The following WDR36 variants were observed in gnomAD, a reference collection of about 807,000 sequenced individuals.
The protein encoded by WDR36 is WD repeat domain 36.
WDR36 carries 63 observed loss-of-function variants against 112.7 expected under a neutral mutation model. That is an observed-to-expected ratio of 0.56 (90% confidence interval 0.46 to 0.69). The LOEUF is 0.69. WDR36 is among the 30% of genes least tolerant of loss of function. The pLI is 0.00. For synonymous variants in WDR36, 410 were observed against 362.2 expected, an observed-to-expected ratio of 1.13 and a Z score of -1.50; for missense variants, 1,226 against 1,070.3, an observed-to-expected ratio of 1.15 and a Z score of -2.03.
chr5:111,108,017 CA>C (rs1163981829), intron 12 of WDR36, among the ~76,000 whole-genome samples: 2 of 150,414 alleles, frequency 1.3e-5, no homozygotes, highest in Admixed American at 6.6e-5. Context: ...TCAATTTCTG[CA>C]AAAAAAAGCA....
intron 16 of WDR36, among the ~76,000 whole-genome samples, chr5:111,115,055 GA>G (rs1233978743): frequency 3.9e-5 from 6 of 152,156 alleles, no homozygotes; most frequent in Non-Finnish European, 7.4e-5. Context: ...ATTCAAATCT[GA>G]TAGATTTTCA....
chr5:111,127,157 C>G lies in WDR36; in HGVS notation c.*274C>G. On this transcript the variant is annotated 3_prime_UTR_variant, in exon 23 of 23. Transcript: ENST00000513710. Reference sequence around the variant, plus strand: ...TTTGAGCCCAGCCTGGGCAACATAGCAAGCAAGATCCCATCTCTACAAAAA... The same window carrying G: ...TTTGAGCCCAGCCTGGGCAACATAGGAAGCAAGATCCCATCTCTACAAAAA... The G allele has an allele frequency of 3.1e-6, 1 of 317,740 alleles. No homozygotes were observed. The highest frequency in any genetic ancestry group is 5.7e-6 in the Non-Finnish European group (1 of 174,370). 19.7% of individuals were successfully genotyped at this position (317,740 alleles called of 1,614,324 possible).
rs1158080518 is a variant in WDR36, at chr5:111,130,414, GT to G, written c.*3532del. The G allele has an allele frequency of 5.5e-6, 1 of 180,454 alleles. No individual in the cohort carries two copies. Among genetic ancestry groups the G allele is most frequent in the East Asian group, 9.1e-5 (1 of 10,962 alleles). 11.2% of individuals were successfully genotyped at this position (180,454 alleles called of 1,614,324 possible). On this transcript the variant is annotated 3_prime_UTR_variant, in exon 23 of 23. Transcript: ENST00000513710. ...GTATTTCTCTTCAAGAACAATGAAT[GT>G]CTTCATTAAATCATCTTTTGTGGGA...
chr5:111,114,143 CAT>C (rs1753407097), intron 16 of WDR36, among the ~76,000 whole-genome samples: 1 of 152,128 alleles, frequency 6.6e-6, no homozygotes, highest in South Asian at 2.1e-4. Context: ...ACAGAGGAGA[CAT>C]ACAGAATGTG....
chr5:111,106,100 T>C lies in WDR36; in HGVS notation c.1137T>C (p.Asn379=), dbSNP rs753217233. 6.2e-7 allele frequency: 1 copy of C among 1,610,058 alleles called. No homozygotes were observed. The highest frequency in any genetic ancestry group is 1.1e-5 in the South Asian group (1 of 91,000). The change falls in exon 11 of 23, where the codon AAT becomes AAC. Residue 379 remains asparagine (N), a synonymous_variant. Coordinates refer to ENST00000513710, the MANE Select transcript of WDR36 (RefSeq NM_139281.3). The part of the protein sequence containing the change: ...KKRVKRKGLQ[N]TMSVRLPPIT... ...GAGTTAAACGTAAAGGACTTCAGAA[T>C]ACCATGTCAGTGAGACTTCCACCCA...
chr5:111,120,001 G>T (rs1308815176), intron 17 of WDR36, among the ~76,000 whole-genome samples: 1 of 151,982 alleles, frequency 6.6e-6, no homozygotes, highest in Admixed American at 6.6e-5. Context: ...TCCCCTAAAA[G>T]ACCGGTATCT....
chr5:111,115,765 C>A (rs1484822719), intron 16 of WDR36, among the ~76,000 whole-genome samples: 1 of 152,090 alleles, frequency 6.6e-6, no homozygotes, highest in Admixed American at 6.6e-5. Flanking sequence ...AAACAAATTG[C>A]ATGGGTATTA....
chr5:111,101,207 G>A (rs954655915), intron 5 of WDR36, among the ~76,000 whole-genome samples: 2 of 151,950 alleles, frequency 1.3e-5, no homozygotes, highest in South Asian at 4.1e-4. Flanking sequence ...CATCACATAT[G>A]TGAAAGGTGG....
intron 16 of WDR36, among the ~76,000 whole-genome samples, chr5:111,117,268 C>A (rs1753474212): frequency 6.6e-6 from 1 of 152,132 alleles, no homozygotes. Flanking sequence ...GTTTCCAGTG[C>A]TTCTAATTGT....
rs1021559863 is a variant in WDR36 at position 111,125,549 on chromosome 5, G to A, written c.2351-59G>A. 42 of 1,530,030 alleles carry A rather than the reference G, an allele frequency of 2.7e-5. 1 individual carries two copies. The African/African-American group carries it at 3.6e-4, about 13-fold the overall frequency. The allele number at this position is 1,530,030 out of a possible 1,614,324, so 94.8% of individuals were successfully genotyped here. On this transcript the variant is annotated intron_variant, in intron 21 of 22. Coordinates refer to ENST00000513710, the MANE Select transcript of WDR36 (RefSeq NM_139281.3). ...CTATTTGGGGTATAAAAGGAAAACTGTAATTTTCTAAGTTAAATGATTATA... is the reference window on the plus strand; with the variant it reads ...CTATTTGGGGTATAAAAGGAAAACTATAATTTTCTAAGTTAAATGATTATA...
chr5:111,105,467 G>A (rs1270573889), intron 10 of WDR36, 107 bp downstream of exon 10: 10 of 1,034,060 alleles, frequency 9.7e-6, no homozygotes, highest in Non-Finnish European at 1.5e-5. Flanking sequence ...TTTCTTGGAT[G>A]AACTAGATAA....
rs201733427 is a variant in WDR36, at chr5:111,103,877, G to A, written c.689G>A (p.Arg230His). 40 of 1,611,142 alleles carry A rather than the reference G, an allele frequency of 2.5e-5. No individual in the cohort carries two copies. The East Asian group carries it at 2.7e-4, about 11-fold the overall frequency. Residue 230 changes from arginine (R) to histidine (H), a missense_variant, in exon 7 of 23, where the codon CGT becomes CAT. Coordinates refer to ENST00000513710, the MANE Select transcript of WDR36 (RefSeq NM_139281.3). ...IKFNETLMKF[R>H]QDWGPITSIS... Reference sequence around the variant, plus strand: ...TTTAATGAAACATTAATGAAGTTTCGTCAAGACTGGGGACCCATTACTTCA... The same window carrying A: ...TTTAATGAAACATTAATGAAGTTTCATCAAGACTGGGGACCCATTACTTCA...
chr5:111,127,987 G>A lies in WDR36; in HGVS notation c.*1104G>A, dbSNP rs147620363. ...GGACCTTTTAATTTGGGAAGAAAAT[G>A]CTGAGTATACTTTTCTTTCACAACC... On this transcript the variant is annotated 3_prime_UTR_variant, in exon 23 of 23. Transcript: ENST00000513710. The A allele has an allele frequency of 9.5e-3, 1,821 of 191,126 alleles. 27 individuals are homozygous for A. Among genetic ancestry groups the A allele is most frequent in the Non-Finnish European group, 0.013 (1,256 of 93,750 alleles). The allele number at this position is 191,126 out of a possible 1,614,324, so 11.8% of individuals were successfully genotyped here.
intron 4 of WDR36, among the ~76,000 whole-genome samples, chr5:111,099,533 G>T (rs6859041): frequency 7.8e-6 from 1 of 128,474 alleles, no homozygotes; most frequent in African/African-American, 2.8e-5. Context: ...CCAGGTTCTT[G>T]TTTCAGATTA....
intron 12 of WDR36, among the ~76,000 whole-genome samples, chr5:111,109,701 G>T (rs181522285): frequency 1.3e-4 from 19 of 151,376 alleles, no homozygotes; most frequent in Admixed American, 1.2e-3. Flanking sequence ...TGTTTTCTCT[G>T]TAGTGTCTTA....
intron 11 of WDR36, 91 bp downstream of exon 11, chr5:111,106,234 T>C: frequency 8.5e-7 from 1 of 1,176,292 alleles, no homozygotes; most frequent in Middle Eastern, 1.9e-4. Context: ...AATAAATGCT[T>C]TTACAAATAT....
At position 111,119,034 on chromosome 5, in the gene WDR36, G is replaced by A. The variant is rs201719432; in HGVS notation, c.1818G>A (p.Leu606=). The part of the protein sequence containing the change: ...PSGCLIDCFL[L]DSAPLNVSMS... ...GTAGCCTTATAGACTGCTTTTTGTT[G>A]GACTCGGCTCCTCTCAATGTTTCTA... The change falls in exon 17 of 23, where the codon TTG becomes TTA. Residue 606 remains leucine, a synonymous_variant. Coordinates refer to ENST00000513710, the MANE Select transcript of WDR36 (RefSeq NM_139281.3). The A allele has an allele frequency of 6.2e-7, 1 of 1,613,318 alleles. No individual in the cohort carries two copies. The highest frequency in any genetic ancestry group is 2.2e-5 in the East Asian group (1 of 44,842).
At chr5:111,100,052 G>T (rs1172304378) in intron 4 of WDR36, among the ~76,000 whole-genome samples, 1 of 149,114 alleles carries the variant, frequency 6.7e-6, no homozygotes, top group African/African-American at 2.5e-5. Context: ...ACTCCACAGG[G>T]TTATACGTTT....
intron 11 of WDR36, among the ~76,000 whole-genome samples, chr5:111,106,757 A>T (rs1753228262): frequency 6.6e-6 from 1 of 151,390 alleles, no homozygotes; most frequent in South Asian, 2.1e-4. Flanking sequence ...TTAGAGTGGA[A>T]TCTCATCTCC....
Sources: gnomAD v4.1 joint callset for allele counts (sites outside exome capture counted in the v4.1 genomes callset) on GRCh38, gnomAD v4.1.1 for gene constraint, MANE v1.5 for transcripts, NCBI Gene and HGNC (gene_info 2026-07-23, HGNC 2026-07-21) for gene names.